ERBB4: variants seen among roughly 807,000 people sequenced by gnomAD.
ERBB4 encodes the protein erb-b2 receptor tyrosine kinase 4.
In ERBB4, 42 loss-of-function variants were observed where a neutral mutation model predicts 158.0. That is an observed-to-expected ratio of 0.27 (90% CI 0.21 to 0.34). The LOEUF (loss-of-function observed/expected upper bound fraction) is 0.34. ERBB4 is among the 10% of genes least tolerant of loss of function. ERBB4 has a pLI of 1.00. For synonymous variants in ERBB4, 583 were observed against 558.7 expected, an observed-to-expected ratio of 1.04 and a Z score of -0.61; for missense variants, 1,333 against 1,624.1, an observed-to-expected ratio of 0.82 and a Z score of 3.08.
At chr2:212,068,615 C>T (rs774036195) in intron 2 of ERBB4, among the ~76,000 whole-genome samples, 1 of 151,980 alleles carries the variant, frequency 6.6e-6, no homozygotes, top group Non-Finnish European at 1.5e-5. Context: ...AATTACTTTC[C>T]TATGGCTCTG....
chr2:211,921,407 TA>T (rs948773591), intron 3 of ERBB4, among the ~76,000 whole-genome samples: 2 of 151,548 alleles, frequency 1.3e-5, no homozygotes, highest in South Asian at 2.1e-4. Context: ...TTTTTGAGCT[TA>T]AAAAAAATAG....
At chr2:211,944,177 C>A (rs1479261922) in intron 3 of ERBB4, among the ~76,000 whole-genome samples, 37 of 38,570 alleles carry the variant, frequency 9.6e-4, no homozygotes, top group African/African-American at 3.5e-3. Context: ...TATATATATA[C>A]TATATATATA....
intron 14 of ERBB4, among the ~76,000 whole-genome samples, chr2:211,670,661 T>C (rs576722547): frequency 8.8e-4 from 134 of 152,280 alleles, no homozygotes; most frequent in African/African-American, 3.2e-3. Flanking sequence ...TTTAAGTACA[T>C]TGAGCAATTC....
intron 1 of ERBB4, among the ~76,000 whole-genome samples, chr2:212,242,657 T>TA: frequency 6.6e-6 from 1 of 152,100 alleles, no homozygotes. Context: ...TATAGCATGT[T>TA]ACCATGAGTG....
chr2:211,581,212 A>C (rs2068094113), intron 19 of ERBB4, among the ~76,000 whole-genome samples: 1 of 151,948 alleles, frequency 6.6e-6, no homozygotes, highest in Non-Finnish European at 1.5e-5. Flanking sequence ...ACAAATCACC[A>C]CTAAAGAACT....
chr2:211,725,160 G>A lies in ERBB4; in HGVS notation c.657C>T (p.Gly219=), dbSNP rs1414336343. The change falls in exon 6 of 28, where the codon GGC becomes GGT. Residue 219 remains glycine (G), a synonymous_variant. Transcript: ENST00000342788. ...CACTGACGTAAGGTCCGTAGCATCT[G>A]CCGTCACATTGTTCTGCACACACCG... ...TRTVCAEQCD[G]RCYGPYVSDC... The A allele has an allele frequency of 1.9e-6, 3 of 1,613,892 alleles. No individual in the cohort carries two copies. Among genetic ancestry groups the A allele is most frequent in the Admixed American group, 3.3e-5 (2 of 59,994 alleles).
chr2:212,512,272 T>C (rs1325290152), intron 1 of ERBB4, among the ~76,000 whole-genome samples: 1 of 151,954 alleles, frequency 6.6e-6, no homozygotes, highest in Non-Finnish European at 1.5e-5. Context: ...TTAGAACTCT[T>C]TATATAAGTA....
intron 20 of ERBB4, among the ~76,000 whole-genome samples, chr2:211,446,933 T>A (rs1346543109): frequency 6.6e-6 from 1 of 152,154 alleles, no homozygotes. Flanking sequence ...GAGGTGAAGA[T>A]TTTTTCCACA....
At chr2:211,711,771 C>A (rs1034500463) in intron 9 of ERBB4, among the ~76,000 whole-genome samples, 2 of 152,058 alleles carry the variant, frequency 1.3e-5, no homozygotes, top group Admixed American at 1.3e-4. Context: ...GTCAAGCTTG[C>A]TGAAAACTGT....
intron 20 of ERBB4, among the ~76,000 whole-genome samples, chr2:211,482,561 C>T (rs1006951850): frequency 6.6e-6 from 1 of 152,026 alleles, no homozygotes. Context: ...TATCAAAGAT[C>T]AAAATGTACA....
At chr2:212,243,671 C>T (rs1221472020) in intron 1 of ERBB4, among the ~76,000 whole-genome samples, 4 of 152,000 alleles carry the variant, frequency 2.6e-5, no homozygotes, top group African/African-American at 9.7e-5. Flanking sequence ...GTAATAGTTG[C>T]TCTGAATTTC....
At chr2:212,147,221 G>A (rs570679235) in intron 1 of ERBB4, among the ~76,000 whole-genome samples, 115 of 131,230 alleles carry the variant, frequency 8.8e-4, no homozygotes, top group African/African-American at 3.3e-3. Flanking sequence ...TCCCAGGCTG[G>A]TCTCGAACTC....
intron 1 of ERBB4, among the ~76,000 whole-genome samples, chr2:212,406,848 G>T (rs948742759): frequency 6.6e-6 from 1 of 151,952 alleles, no homozygotes; most frequent in Non-Finnish European, 1.5e-5. Context: ...TCTTCATGAG[G>T]TGACTCTCCT....
chr2:211,884,302 T>C (rs1390108313), intron 3 of ERBB4, among the ~76,000 whole-genome samples: 1 of 152,204 alleles, frequency 6.6e-6, no homozygotes, highest in Non-Finnish European at 1.5e-5. Context: ...AGTTTTAATA[T>C]TGAAATAGCT....
At chr2:212,063,347 C>T (rs1480629826) in intron 2 of ERBB4, among the ~76,000 whole-genome samples, 1 of 151,826 alleles carries the variant, frequency 6.6e-6, no homozygotes, top group East Asian at 1.9e-4. Context: ...ATAAACTCAC[C>T]TGTATGATAT....
At chr2:211,692,462 T>C (rs2072857839) in intron 12 of ERBB4, among the ~76,000 whole-genome samples, 1 of 152,124 alleles carries the variant, frequency 6.6e-6, no homozygotes, top group Admixed American at 6.5e-5. Context: ...ACATTTAGTC[T>C]CTCATAGTTC....
chr2:211,498,411 T>G (rs1353735260), intron 20 of ERBB4, among the ~76,000 whole-genome samples: 2 of 152,098 alleles, frequency 1.3e-5, no homozygotes, highest in African/African-American at 4.8e-5. Context: ...TTTATATATA[T>G]CTATATACAA....
intron 3 of ERBB4, among the ~76,000 whole-genome samples, chr2:211,894,636 G>A (rs984546058): frequency 3.3e-5 from 5 of 152,024 alleles, no homozygotes; most frequent in African/African-American, 7.2e-5. Context: ...GAAAAAATAC[G>A]CTAATAGAGT....
At chr2:212,074,303 T>G (rs2078211908) in intron 2 of ERBB4, among the ~76,000 whole-genome samples, 1 of 152,058 alleles carries the variant, frequency 6.6e-6, no homozygotes, top group Non-Finnish European at 1.5e-5. Context: ...ATAAGATGCT[T>G]AAGTTATTCC....
Sources: gnomAD v4.1 joint callset for allele counts (sites outside exome capture counted in the v4.1 genomes callset) on GRCh38, gnomAD v4.1.1 for gene constraint, MANE v1.5 for transcripts, NCBI Gene and HGNC (gene_info 2026-07-23, HGNC 2026-07-21) for gene names.